PTPRM: variants seen among roughly 807,000 people sequenced by gnomAD.
PTPRM encodes the protein protein tyrosine phosphatase receptor type M, also known as receptor-type tyrosine-protein phosphatase mu.
Under a neutral mutation model 186.7 loss-of-function variants are expected in PTPRM, and 47 were observed. The observed-to-expected ratio is 0.25, with a 90% CI of 0.20 to 0.32. PTPRM has a LOEUF of 0.32. Among genes scored for constraint, PTPRM ranks in the 10% least tolerant of loss-of-function variants. The pLI is 1.00. For synonymous variants in PTPRM, 668 were observed against 674.9 expected (o/e 0.99, Z 0.16); for missense variants, 1,494 against 1,865.0 (o/e 0.80, Z 3.66).
intron 25 of PTPRM, 48 bp downstream of exon 25, chr18:8,376,248 G>C: frequency 6.3e-7 from 1 of 1,596,664 alleles, no homozygotes; most frequent in Non-Finnish European, 8.5e-7. Flanking sequence ...TGGGTGATGG[G>C]TGCAGGGCCA....
At chr18:8,325,391 C>T (rs1422492181) in intron 22 of PTPRM, among the ~76,000 whole-genome samples, 3 of 152,190 alleles carry the variant, frequency 2.0e-5, no homozygotes, top group Non-Finnish European at 4.4e-5. Flanking sequence ...GTTTAACTCT[C>T]ACTAACAAGT....
At chr18:8,406,043 T>C in intron 32 of PTPRM, 66 bp from the exon 33 acceptor site, 1 of 1,387,874 alleles carries the variant, frequency 7.2e-7, no homozygotes, top group South Asian at 1.2e-5. Flanking sequence ...TACTCTATGG[T>C]AATTGCTTTA....
At chr18:8,355,676 A>C (rs918269569) in intron 23 of PTPRM, among the ~76,000 whole-genome samples, 1 of 152,238 alleles carries the variant, frequency 6.6e-6, no homozygotes, top group Admixed American at 6.5e-5. Context: ...CTTTTGCCTC[A>C]GTGTTTTCAG....
intron 31 of PTPRM, among the ~76,000 whole-genome samples, chr18:8,387,569 G>T (rs1399729065): frequency 6.6e-6 from 1 of 151,606 alleles, no homozygotes; most frequent in Non-Finnish European, 1.5e-5. Flanking sequence ...TCTGAGCTGG[G>T]TCTTCAACTG....
intron 7 of PTPRM, among the ~76,000 whole-genome samples, chr18:8,045,897 C>G (rs1045328786): frequency 8.5e-5 from 13 of 152,194 alleles, no homozygotes; most frequent in African/African-American, 3.1e-4. Context: ...TAGCAGACTT[C>G]CACAAATCAA....
intron 31 of PTPRM, among the ~76,000 whole-genome samples, chr18:8,392,437 A>C (rs1369831075): frequency 2.6e-5 from 4 of 152,150 alleles, no homozygotes; most frequent in Non-Finnish European, 2.9e-5. Context: ...ATCCTGGCTA[A>C]CACGGTGAAA....
At chr18:7,926,776 T>C (rs2051197860) in intron 5 of PTPRM, 93 bp downstream of exon 5, 1 of 810,378 alleles carries the variant, frequency 1.2e-6, no homozygotes, top group African/African-American at 1.7e-5. Context: ...ACTCAGGTCC[T>C]AGTGTAAGAG....
intron 15 of PTPRM, among the ~76,000 whole-genome samples, chr18:8,245,479 T>A (rs72911286): frequency 0.043 from 6,592 of 152,262 alleles, 195 homozygotes; most frequent in Non-Finnish European, 0.07. Flanking sequence ...GGGGTCTCAG[T>A]GTACCCAAGC....
intron 1 of PTPRM, among the ~76,000 whole-genome samples, chr18:7,617,977 C>T (rs1416388369): frequency 2.0e-5 from 3 of 152,182 alleles, no homozygotes; most frequent in African/African-American, 4.8e-5. Context: ...TGAGGAGCGG[C>T]AGAGACTGGG....
intron 7 of PTPRM, among the ~76,000 whole-genome samples, chr18:8,051,926 A>G (rs1293746165): frequency 6.6e-6 from 1 of 152,196 alleles, no homozygotes; most frequent in Non-Finnish European, 1.5e-5. Flanking sequence ...CATATCTTTT[A>G]AAATCCATTT....
chr18:7,860,606 C>T (rs549596674), intron 2 of PTPRM, among the ~76,000 whole-genome samples: 1 of 152,288 alleles, frequency 6.6e-6, no homozygotes, highest in Non-Finnish European at 1.5e-5. Context: ...TCTTTCACCA[C>T]CTTTTCCTCT....
chr18:8,158,616 G>A (rs541743936), intron 14 of PTPRM, among the ~76,000 whole-genome samples: 1 of 152,258 alleles, frequency 6.6e-6, no homozygotes, highest in African/African-American at 2.4e-5. Flanking sequence ...CCATTTTTGT[G>A]TTACTATAAA....
At chr18:7,945,422 G>A (rs375907006) in intron 5 of PTPRM, among the ~76,000 whole-genome samples, 15 of 151,576 alleles carry the variant, frequency 9.9e-5, no homozygotes, top group East Asian at 5.8e-4. Context: ...CAGAGATGGC[G>A]CCACTGCACT....
intron 23 of PTPRM, among the ~76,000 whole-genome samples, chr18:8,368,260 G>C (rs1307189318): frequency 6.6e-6 from 1 of 151,534 alleles, no homozygotes; most frequent in African/African-American, 2.4e-5. Flanking sequence ...CTCTTGAAAT[G>C]AAATCATTGT....
intron 1 of PTPRM, among the ~76,000 whole-genome samples, chr18:7,715,699 T>A (rs1252590096): frequency 1.3e-5 from 2 of 152,102 alleles, no homozygotes; most frequent in Non-Finnish European, 2.9e-5. Flanking sequence ...CACAAGCATT[T>A]CTATACACCA....
chr18:8,346,575 G>T (rs995980055), intron 23 of PTPRM, among the ~76,000 whole-genome samples: 1 of 152,052 alleles, frequency 6.6e-6, no homozygotes, highest in Non-Finnish European at 1.5e-5. Context: ...AGTTTTGGGG[G>T]TACACAAATA....
chr18:7,751,837 T>A (rs967857831), intron 1 of PTPRM, among the ~76,000 whole-genome samples: 2 of 148,892 alleles, frequency 1.3e-5, no homozygotes, highest in Admixed American at 6.6e-5. Flanking sequence ...TCTGTGAAAA[T>A]TTTCCACATA....
At chr18:8,151,672 C>T (rs1439479593) in intron 14 of PTPRM, among the ~76,000 whole-genome samples, 1 of 149,146 alleles carries the variant, frequency 6.7e-6, no homozygotes, top group African/African-American at 2.5e-5. Flanking sequence ...CACTTGCGTT[C>T]CAGGAGCCAC....
chr18:7,648,602 G>A (rs1332823006), intron 1 of PTPRM, among the ~76,000 whole-genome samples: 2 of 152,206 alleles, frequency 1.3e-5, no homozygotes, highest in Admixed American at 6.5e-5. Context: ...TATGGATAAT[G>A]TTTGAGTGGT....
Sources: allele counts gnomAD v4.1 joint callset (sites outside exome capture counted in the v4.1 genomes callset), GRCh38; gene constraint gnomAD v4.1.1; transcripts MANE v1.5; gene names NCBI Gene and HGNC (gene_info 2026-07-23, HGNC 2026-07-21).